TMCC3: variants seen among roughly 807,000 people sequenced by gnomAD.
TMCC3 encodes transmembrane and coiled-coil domain protein 3.
A neutral mutation model predicts 40.2 loss-of-function variants in TMCC3; 28 were observed. The observed-to-expected ratio is 0.70, with a 90% confidence interval of 0.52 to 0.95. The LOEUF (loss-of-function observed/expected upper bound fraction) is 0.95, where lower values mean the gene tolerates loss of function less well. Among genes scored for constraint, TMCC3 ranks in the 40% least tolerant of loss-of-function variants. The pLI, the probability that TMCC3 is intolerant of heterozygous loss-of-function variation, is 0.00. For synonymous variants in TMCC3, 255 were observed against 248.5 expected (o/e 1.03, Z -0.25); for missense variants, 554 against 615.2 (o/e 0.90, Z 1.05).
chr12:94,568,025 G>C lies in TMCC3; in HGVS notation c.*3410C>G, dbSNP rs2068504928. 6.6e-6 allele frequency: 1 copy of C among 152,322 alleles called. No individual in the cohort carries two copies. Among genetic ancestry groups the C allele is most frequent in the South Asian group, 2.1e-4 (1 of 4,830 alleles). 9.4% of individuals were successfully genotyped at this position (152,322 alleles called of 1,614,324 possible). A position where few individuals can be genotyped will look rare whatever the true frequency, so the allele number is the denominator to read the frequency against. On this transcript the variant is annotated 3_prime_UTR_variant, in exon 4 of 4. Transcript: ENST00000261226. ...GCAATATTTAAATGAAAACAAGAGT[G>C]ACAGAGCTGGAAAGAGCGAAAACCA...
intron 1 of TMCC3, among the ~76,000 whole-genome samples, chr12:94,636,759 T>C (rs578220985): frequency 1.2e-4 from 18 of 152,378 alleles, no homozygotes; most frequent in Admixed American, 3.9e-4. Flanking sequence ...GAACATGCCC[T>C]GTGGCAGAAA....
At chr12:94,615,794 A>G in intron 1 of TMCC3, 1 of 443,548 alleles carries the variant, frequency 2.3e-6, no homozygotes, top group Non-Finnish European at 3.0e-6. Context: ...AAGCACAAAG[A>G]TAACTATTAA....
intron 1 of TMCC3, among the ~76,000 whole-genome samples, chr12:94,641,160 A>T (rs2068988332): frequency 6.6e-6 from 1 of 151,792 alleles, no homozygotes; most frequent in South Asian, 2.1e-4. Context: ...AGATGGCACC[A>T]CTGCACTCCA....
At chr12:94,624,541 C>T (rs1246668525) in intron 1 of TMCC3, among the ~76,000 whole-genome samples, 3 of 150,676 alleles carry the variant, frequency 2.0e-5, no homozygotes, top group Non-Finnish European at 4.4e-5. Flanking sequence ...GGTGAAAACC[C>T]GTCTCCACTA....
chr12:94,629,992 G>A (rs1374208623), intron 1 of TMCC3, among the ~76,000 whole-genome samples: 5 of 152,142 alleles, frequency 3.3e-5, no homozygotes, highest in South Asian at 2.1e-4. Context: ...CAGGCCAGGC[G>A]TGGTGGCTCA....
intron 1 of TMCC3, among the ~76,000 whole-genome samples, chr12:94,596,456 A>G (rs927457185): frequency 6.6e-6 from 1 of 151,952 alleles, no homozygotes; most frequent in Admixed American, 6.6e-5. Context: ...TTCCCAATTC[A>G]CCTTTCAAGG....
chr12:94,576,197 C>A (rs986798354), intron 3 of TMCC3, among the ~76,000 whole-genome samples: 1 of 152,202 alleles, frequency 6.6e-6, no homozygotes, highest in African/African-American at 2.4e-5. Flanking sequence ...GAGATGCGGT[C>A]TCTGGGGGCA....
At chr12:94,638,195 A>G (rs1409719446) in intron 1 of TMCC3, among the ~76,000 whole-genome samples, 2 of 152,242 alleles carry the variant, frequency 1.3e-5, no homozygotes, top group African/African-American at 4.8e-5. Flanking sequence ...TAGCTGGAGA[A>G]GGTCATAATC....
chr12:94,630,436 G>A (rs1049382019), intron 1 of TMCC3, among the ~76,000 whole-genome samples: 3 of 152,108 alleles, frequency 2.0e-5, no homozygotes, highest in Non-Finnish European at 2.9e-5. Context: ...GCTCTGGAAC[G>A]CAGAGCTACC....
chr12:94,646,497 G>A (rs1383508215), intron 1 of TMCC3, among the ~76,000 whole-genome samples: 1 of 132,320 alleles, frequency 7.6e-6, no homozygotes, highest in African/African-American at 3.0e-5. Context: ...GGAGTGCAAT[G>A]GCACGATCTC....
intron 1 of TMCC3, chr12:94,598,878 A>G (rs1186346131): frequency 1.5e-6 from 1 of 664,718 alleles, no homozygotes; most frequent in Non-Finnish European, 1.9e-6. Context: ...CCCTTCTTAG[A>G]ACCTAAGTCT....
Position 94,582,448 on chromosome 12 carries a change from C to T in TMCC3, c.169G>A (p.Gly57Ser), listed in dbSNP as rs779563593. The change falls in exon 2 of 4, where the codon GGC becomes AGC. Residue 57 changes from glycine (G) to serine (S), a missense_variant. Gly to Ser is a moderately conservative substitution (Grantham distance 56). Coordinates refer to ENST00000261226, the MANE Select transcript of TMCC3 (RefSeq NM_020698.4). ...TTGACCTTGTGGAAGTCCAGGATGCCATCCGGGACATCAAAGTTGAGGTTG... is the reference window on the plus strand; with the variant it reads ...TTGACCTTGTGGAAGTCCAGGATGCTATCCGGGACATCAAAGTTGAGGTTG... Reference protein sequence around the residue: ...DTNLNFDVPDGILDFHKVKLT... With the variant: ...DTNLNFDVPDSILDFHKVKLT... 2.5e-6 allele frequency: 4 copies of T among 1,613,920 alleles called. No individual in the cohort carries two copies. The highest frequency in any genetic ancestry group is 3.3e-5 in the Admixed American group (2 of 59,992).
intron 1 of TMCC3, among the ~76,000 whole-genome samples, chr12:94,605,103 G>C (rs1246106964): frequency 6.6e-6 from 1 of 152,144 alleles, no homozygotes; most frequent in African/African-American, 2.4e-5. Context: ...ATTCCTAAAG[G>C]GAGGCGGCAC....
intron 1 of TMCC3, among the ~76,000 whole-genome samples, chr12:94,596,886 G>A (rs984472196): frequency 1.3e-5 from 2 of 152,150 alleles, no homozygotes; most frequent in East Asian, 1.9e-4. Context: ...ACCGAACCAC[G>A]AATGGTTCAT....
intron 1 of TMCC3, among the ~76,000 whole-genome samples, chr12:94,615,334 C>T (rs753559148): frequency 3.0e-4 from 45 of 152,124 alleles, no homozygotes; most frequent in Non-Finnish European, 5.3e-4. Context: ...TCCGAGGAGG[C>T]CCAGTTCAGA....
rs1009061574 is a variant in TMCC3 at position 94,578,427 on chromosome 12, G to A, written c.1098C>T (p.Ala366=). ...CCCGCGAGCGCTCGTAGGCCTGGTA[G>A]GCCACCTTCTCCTCAATGCTGGCCA... ...QELASIEEKV[A]YQAYERSRDI... is the part of the protein sequence containing the mutation. Residue 366 remains alanine, a synonymous_variant, in exon 3 of 4, where the codon GCC becomes GCT. Coordinates refer to ENST00000261226, the MANE Select transcript of TMCC3 (RefSeq NM_020698.4). 1.2e-6 allele frequency: 2 copies of A among 1,614,088 alleles called. No homozygotes were observed. Among genetic ancestry groups the A allele is most frequent in the Non-Finnish European group, 1.7e-6 (2 of 1,180,004 alleles).
chr12:94,626,981 C>T (rs534446346), intron 1 of TMCC3, among the ~76,000 whole-genome samples: 1 of 152,262 alleles, frequency 6.6e-6, no homozygotes, highest in South Asian at 2.1e-4. Flanking sequence ...CTGGCTCAGC[C>T]TCCTGAGTAG....
At chr12:94,579,147 G>A (rs2138822313) in intron 2 of TMCC3, among the ~76,000 whole-genome samples, 1 of 152,282 alleles carries the variant, frequency 6.6e-6, no homozygotes, top group Admixed American at 6.5e-5. Context: ...CAAATCTAAA[G>A]GAACAGAAGT....
chr12:94,606,553 G>T (rs1261325799), intron 1 of TMCC3, among the ~76,000 whole-genome samples: 1 of 151,932 alleles, frequency 6.6e-6, no homozygotes, highest in East Asian at 1.9e-4. Context: ...TTTTAGTAGA[G>T]ATGGGTATCG....
Sources: gnomAD v4.1 joint callset for allele counts (sites outside exome capture counted in the v4.1 genomes callset) on GRCh38, gnomAD v4.1.1 for gene constraint, MANE v1.5 for transcripts, NCBI Gene and HGNC (gene_info 2026-07-23, HGNC 2026-07-21) for gene names.